DNAH17: variants seen among roughly 807,000 people sequenced by gnomAD.
DNAH17 encodes the protein axonemal beta dynein heavy chain 17.
Under a neutral mutation model 485.6 loss-of-function variants are expected in DNAH17, and 376 were observed. That is an observed-to-expected ratio of 0.77 (90% CI 0.71 to 0.84). The LOEUF (loss-of-function observed/expected upper bound fraction) is 0.84, where lower values mean the gene tolerates loss of function less well. DNAH17 is among the 40% of genes least tolerant of loss of function. The pLI is 0.00. For synonymous variants in DNAH17, 3,031 were observed against 2,405.9 expected, an observed-to-expected ratio of 1.26 and a Z score of -7.60; for missense variants, 6,370 against 5,839.3, an observed-to-expected ratio of 1.09 and a Z score of -2.96.
rs148356229 is a variant in DNAH17, at chr17:78,479,130, A to T, written c.7901-14T>A. 5 of 1,612,802 alleles carry T rather than the reference A, an allele frequency of 3.1e-6. No individual in the cohort carries two copies. In the African/African-American group the frequency reaches 6.7e-5, roughly 21 times the overall value. ...TCTGATGCAAAGCTGTTAGAGGAAA[A>T]GGACGTGTCAATTCTCATGTACTCT... On this transcript the variant is annotated splice_polypyrimidine_tract_variant and intron_variant, in intron 50 of 80. Transcript: ENST00000389840.
At chr17:78,482,826 G>A (rs539698147) in intron 48 of DNAH17, among the ~76,000 whole-genome samples, 2 of 152,256 alleles carry the variant, frequency 1.3e-5, no homozygotes, top group Admixed American at 6.5e-5. Flanking sequence ...ATCTCACTCT[G>A]CCACCCCTCC....
chr17:78,508,195 G>A (rs985326448), intron 27 of DNAH17, among the ~76,000 whole-genome samples: 5 of 152,184 alleles, frequency 3.3e-5, no homozygotes, highest in Non-Finnish European at 7.3e-5. Flanking sequence ...GGCACTTGAA[G>A]GGCAGCAGAT....
intron 26 of DNAH17, among the ~76,000 whole-genome samples, chr17:78,512,940 CAAAAAA>C (rs57734613): frequency 0.013 from 1,052 of 83,298 alleles, 7 homozygotes; most frequent in Admixed American, 0.02. Context: ...GACTCTAACT[CAAAAAA>C]AAAAAAAAAA....
rs1406180815 is a variant in DNAH17, at chr17:78,425,340, C to G, written c.13141+6G>C. The G allele has an allele frequency of 6.2e-7, 1 of 1,613,090 alleles. No homozygotes were observed. The highest frequency in any genetic ancestry group is 8.5e-7 in the Non-Finnish European group (1 of 1,179,286). The stretch of plus-strand genomic sequence containing the variant: ...GCTTCTGCAGACAGACAAGAGCCCT[C>G]CTTACCTTCCATGAAGAGTCCGTAC... On this transcript the variant is annotated splice_donor_region_variant and intron_variant, in intron 80 of 80. Coordinates refer to ENST00000389840, the MANE Select transcript of DNAH17 (RefSeq NM_173628.4).
Position 78,507,716 on chromosome 17 carries a change from G to T in DNAH17, c.4326C>A (p.Ser1442Arg), listed in dbSNP as rs369958030. ...PRTGTMMLKS[S>R]EVLVETLEDN... ...CCTCCAGCGTCTCCACCAGCACCTC[G>T]CTGGACTTGAGCATCATGGTGCCTG... Residue 1442 changes from serine (S) to arginine (R), a missense_variant, in exon 28 of 81, where the codon AGC becomes AGA. Physicochemically the swap from Ser to Arg is moderately radical, Grantham distance 110. Coordinates refer to ENST00000389840, the MANE Select transcript of DNAH17 (RefSeq NM_173628.4). 1.2e-6 allele frequency: 2 copies of T among 1,607,016 alleles called. No homozygotes were observed. Among genetic ancestry groups the T allele is most frequent in the Admixed American group, 3.3e-5 (2 of 59,752 alleles).
At chr17:78,475,890 A>G in intron 52 of DNAH17, 57 bp from the exon 53 acceptor site, 1 of 1,576,696 alleles carries the variant, frequency 6.3e-7, no homozygotes, top group South Asian at 1.2e-5. Context: ...GACCACACAG[A>G]TAGTTAACAG....
intron 48 of DNAH17, among the ~76,000 whole-genome samples, chr17:78,483,366 A>T (rs1308342499): frequency 6.6e-6 from 1 of 152,226 alleles, no homozygotes; most frequent in African/African-American, 2.4e-5. Context: ...GTGGTGGCTC[A>T]CGCCTGTAGT....
At chr17:78,485,917 C>CCA in intron 46 of DNAH17, 43 bp downstream of exon 46, 1 of 1,601,120 alleles carries the variant, frequency 6.2e-7, no homozygotes, top group Non-Finnish European at 8.5e-7. Flanking sequence ...CCGATTCCTG[C>CCA]CTCTAAATCA....
rs1555650531 is a variant in DNAH17, at chr17:78,432,912, C to CCCG, written c.12225+1114_12225+1116dup. Among the ~76,000 whole-genome samples the CCCG allele has an allele frequency of 2.2e-3, 291 of 129,930 alleles. 18 individuals are homozygous for CCCG. Among genetic ancestry groups the CCCG allele is most frequent in the African/African-American group, 8.6e-3 (280 of 32,676 alleles). 85.2% of individuals were successfully genotyped at this position (129,930 alleles called of 152,430 possible). On this transcript the variant is annotated intron_variant, in intron 75 of 80. Transcript: ENST00000389840. ...GCAGGCTTCAAACGTGCCCCCCCCC[C>CCCG]CCGACCCCGGTGCCAGCACCGTTTC...
Position 78,505,308 on chromosome 17 carries a change from G to A in DNAH17, c.4941C>T (p.Cys1647=), listed in dbSNP as rs368068788. The A allele has an allele frequency of 1.5e-5, 24 of 1,613,712 alleles. No individual in the cohort carries two copies. Among genetic ancestry groups the A allele is most frequent in the African/African-American group, 2.7e-5 (2 of 74,892 alleles). The change falls in exon 31 of 81, where the codon TGC becomes TGT. Residue 1647 remains cysteine, a synonymous_variant. Transcript: ENST00000389840. ...ACACACTCACCTGCCCCGAGAGGTC[G>A]CATTCCTGATCAAAAACCATGTACT... The part of the protein sequence containing the change: ...EDEYMVFDQE[C]DLSGQVEVWL...
At chr17:78,449,338 T>C (rs1189775166) in intron 69 of DNAH17, 76 bp downstream of exon 69, 3 of 1,458,238 alleles carry the variant, frequency 2.1e-6, no homozygotes, top group Admixed American at 2.1e-5. Context: ...ACAATCTGCC[T>C]TTCCACAAAG....
At chr17:78,475,862 TC>T in intron 52 of DNAH17, 29 bp from the exon 53 acceptor site, 1 of 1,605,234 alleles carries the variant, frequency 6.2e-7, no homozygotes, top group Non-Finnish European at 8.5e-7. Context: ...AGACGATACT[TC>T]CGGTTTTTGC....
chr17:78,477,808 G>C (rs943670516), intron 51 of DNAH17, among the ~76,000 whole-genome samples: 2 of 152,138 alleles, frequency 1.3e-5, no homozygotes, highest in Admixed American at 6.6e-5. Context: ...GGAATGTAAG[G>C]GGCCAAACCC....
intron 41 of DNAH17, chr17:78,493,310 G>C (rs901340259): frequency 6.4e-6 from 1 of 156,304 alleles, no homozygotes; most frequent in Admixed American, 6.2e-5. Context: ...AGCCCGCAGA[G>C]AGCTGCTTGC....
At chr17:78,539,439 C>T (rs377316223) in intron 18 of DNAH17, among the ~76,000 whole-genome samples, 1 of 152,006 alleles carries the variant, frequency 6.6e-6, no homozygotes, top group African/African-American at 2.4e-5. Flanking sequence ...CAGTGGTGTC[C>T]ACTTTCCTTC....
chr17:78,515,486 G>T (rs561144604), intron 25 of DNAH17, among the ~76,000 whole-genome samples: 1 of 151,862 alleles, frequency 6.6e-6, no homozygotes, highest in South Asian at 2.1e-4. Context: ...TTCGGCCTGG[G>T]TGACAGAGTG....
intron 55 of DNAH17, among the ~76,000 whole-genome samples, chr17:78,468,113 T>TGTCTGTCCACATCTGTGG (rs1241471956): frequency 6.6e-6 from 1 of 151,674 alleles, no homozygotes; most frequent in Non-Finnish European, 1.5e-5. Context: ...TAGAGTCGGT[T>TGTCTGTCCACATCTGTGG]GTCTGTCCAC....
At chr17:78,491,860 C>CA (rs1011570085) in intron 42 of DNAH17, among the ~76,000 whole-genome samples, 2 of 152,216 alleles carry the variant, frequency 1.3e-5, no homozygotes, top group Non-Finnish European at 2.9e-5. Flanking sequence ...CCAGGCTCAA[C>CA]ATCCCACGGG....
At chr17:78,559,999 T>C (rs1598728788) in intron 13 of DNAH17, among the ~76,000 whole-genome samples, 1 of 152,198 alleles carries the variant, frequency 6.6e-6, no homozygotes, top group African/African-American at 2.4e-5. Flanking sequence ...CTACCGGCTC[T>C]ATTGATCTTC....
Sources: gnomAD v4.1 joint callset for allele counts (sites outside exome capture counted in the v4.1 genomes callset) on GRCh38, gnomAD v4.1.1 for gene constraint, MANE v1.5 for transcripts, NCBI Gene and HGNC (gene_info 2026-07-23, HGNC 2026-07-21) for gene names.